The following LHFPL3 variants were observed in gnomAD, a reference collection of about 807,000 sequenced individuals.
LHFPL3 encodes the protein LHFPL tetraspan subfamily member 3 protein.
In LHFPL3, 5 loss-of-function variants were observed where a neutral mutation model predicts 19.3. The observed-to-expected ratio is 0.26, with a 90% confidence interval of 0.14 to 0.54. The LOEUF (loss-of-function observed/expected upper bound fraction) is 0.54. Ranked by LOEUF, LHFPL3 falls within the 20% of genes least tolerant of loss-of-function variation. The pLI is 0.94. For missense variants in LHFPL3, 249 were observed against 307.4 expected, an observed-to-expected ratio of 0.81 and a Z score of 1.42; for synonymous variants, 133 against 126.2, an observed-to-expected ratio of 1.05 and a Z score of -0.36.
At chr7:104,494,776 A>G (rs1793426093) in intron 1 of LHFPL3, among the ~76,000 whole-genome samples, 1 of 152,132 alleles carries the variant, frequency 6.6e-6, no homozygotes, top group Non-Finnish European at 1.5e-5. Context: ...ATAGGAAAAG[A>G]CTTGGCGACA....
intron 2 of LHFPL3, among the ~76,000 whole-genome samples, chr7:104,864,197 G>A (rs1174447155): frequency 6.6e-6 from 1 of 152,244 alleles, no homozygotes; most frequent in African/African-American, 2.4e-5. Flanking sequence ...CAACACAGAA[G>A]ATGGGTTATT....
At chr7:104,639,050 A>G (rs1023707753) in intron 1 of LHFPL3, among the ~76,000 whole-genome samples, 4 of 151,884 alleles carry the variant, frequency 2.6e-5, no homozygotes, top group Non-Finnish European at 4.4e-5. Context: ...CAGGCCCACC[A>G]TGCCTAGCCA....
intron 2 of LHFPL3, among the ~76,000 whole-genome samples, chr7:104,830,588 GA>G (rs1208306933): frequency 6.6e-6 from 1 of 151,856 alleles, no homozygotes; most frequent in African/African-American, 2.4e-5. Context: ...ATTAAATAGG[GA>G]ATCCTCTCCC....
At chr7:104,632,486 C>T (rs1487450436) in intron 1 of LHFPL3, among the ~76,000 whole-genome samples, 1 of 152,146 alleles carries the variant, frequency 6.6e-6, no homozygotes, top group East Asian at 1.9e-4. Flanking sequence ...TAATAGATAA[C>T]CATTATGAAA....
At chr7:104,568,869 C>T (rs188796533) in intron 1 of LHFPL3, among the ~76,000 whole-genome samples, 2 of 152,276 alleles carry the variant, frequency 1.3e-5, no homozygotes, top group East Asian at 3.9e-4. Context: ...ATTAAATTTC[C>T]CATGACTGGG....
chr7:104,461,269 A>G (rs149253739), intron 1 of LHFPL3, among the ~76,000 whole-genome samples: 15 of 152,312 alleles, frequency 9.8e-5, no homozygotes, highest in African/African-American at 3.1e-4. Context: ...CCATGATTCA[A>G]TTATCTCTAC....
chr7:104,730,708 T>C lies in LHFPL3; in HGVS notation c.446-5967T>C, dbSNP rs560866019. 8.5e-5 allele frequency among the ~76,000 whole-genome samples: 13 copies of C among 152,376 alleles called. No homozygotes were observed. In the South Asian group the frequency reaches 2.7e-3, roughly 32 times the overall value. On this transcript the variant is annotated intron_variant, in intron 1 of 2. Transcript: ENST00000424859. ...CATTCTGAAGGTTGCCTGTTCACTC[T>C]GATGGTAGTTTCTTTTGCTGTGCAG...
At position 104,736,590 on chromosome 7, in the gene LHFPL3, C is replaced by G; in HGVS notation, c.446-85C>G. On this transcript the variant is annotated intron_variant, in intron 1 of 2. Coordinates refer to ENST00000424859, the MANE Select transcript of LHFPL3 (RefSeq NM_199000.3). ...TCAAGAATAATTTGAAACAATGATT[C>G]GACAGACAGTGGAAACATTTGCTAA... 6 of 825,452 alleles carry G rather than the reference C, an allele frequency of 7.3e-6. 1 individual carries two copies. The South Asian group carries it at 9.9e-5, about 14-fold the overall frequency. The allele number at this position is 825,452 out of a possible 1,614,324, so 51.1% of individuals were successfully genotyped here. A position where few individuals can be genotyped will look rare whatever the true frequency, so the allele number is the denominator to read the frequency against.
At chr7:104,853,390 C>T (rs534099694) in intron 2 of LHFPL3, among the ~76,000 whole-genome samples, 2 of 152,294 alleles carry the variant, frequency 1.3e-5, no homozygotes, top group East Asian at 3.9e-4. Flanking sequence ...TTCACTTGAG[C>T]CTACTCTGTG....
At chr7:104,652,481 G>A (rs991490132) in intron 1 of LHFPL3, among the ~76,000 whole-genome samples, 9 of 152,182 alleles carry the variant, frequency 5.9e-5, no homozygotes, top group African/African-American at 2.2e-4. Flanking sequence ...TATAGAAGGT[G>A]TAATGATCAA....
At chr7:104,712,838 G>A (rs777032815) in intron 1 of LHFPL3, among the ~76,000 whole-genome samples, 7 of 152,130 alleles carry the variant, frequency 4.6e-5, no homozygotes, top group Non-Finnish European at 7.4e-5. Flanking sequence ...CATTACAGTT[G>A]ACAAAATGCT....
intron 1 of LHFPL3, among the ~76,000 whole-genome samples, chr7:104,425,010 T>TAAAAAAAAAAAAA (rs1791814979): frequency 1.8e-5 from 2 of 108,382 alleles, no homozygotes; most frequent in African/African-American, 4.5e-5. Context: ...AAAAAAGAAG[T>TAAAAAAAAAAAAA]ATCTGACTCA....
intron 1 of LHFPL3, among the ~76,000 whole-genome samples, chr7:104,531,445 A>G (rs1346038146): frequency 6.6e-6 from 1 of 152,180 alleles, no homozygotes; most frequent in African/African-American, 2.4e-5. Flanking sequence ...CAGGATCCTA[A>G]CTAACTTTCT....
chr7:104,438,997 G>C (rs747036294), intron 1 of LHFPL3, among the ~76,000 whole-genome samples: 1 of 152,106 alleles, frequency 6.6e-6, no homozygotes, highest in Non-Finnish European at 1.5e-5. Context: ...AGATGAAATT[G>C]ACAATTTTTT....
At chr7:104,880,278 CT>C (rs1792022061) in intron 2 of LHFPL3, among the ~76,000 whole-genome samples, 7 of 151,684 alleles carry the variant, frequency 4.6e-5, no homozygotes, top group Admixed American at 4.6e-4. Context: ...CACTTCCCCC[CT>C]CCCTCTCTCA....
At chr7:104,419,906 CG>C (rs1305536374) in intron 1 of LHFPL3, among the ~76,000 whole-genome samples, 1 of 152,208 alleles carries the variant, frequency 6.6e-6, no homozygotes, top group East Asian at 1.9e-4. Flanking sequence ...AGAAGTATCC[CG>C]GTTCTATCCT....
chr7:104,666,483 G>T (rs1792345744), intron 1 of LHFPL3, among the ~76,000 whole-genome samples: 1 of 137,690 alleles, frequency 7.3e-6, no homozygotes, highest in Admixed American at 7.3e-5. Flanking sequence ...CAGTTCCATT[G>T]ACGTTGCTGA....
At chr7:104,392,263 C>T (rs1451861937) in intron 1 of LHFPL3, among the ~76,000 whole-genome samples, 2 of 151,724 alleles carry the variant, frequency 1.3e-5, no homozygotes, top group African/African-American at 4.8e-5. Context: ...TGTCTTGTGC[C>T]AGTTTTCAAA....
chr7:104,646,834 ACTT>A lies in LHFPL3; in HGVS notation c.446-89837_446-89835del, dbSNP rs201110298. 7.1e-3 allele frequency among the ~76,000 whole-genome samples: 1,075 copies of A among 152,312 alleles called. 17 individuals are homozygous for A. Among genetic ancestry groups the A allele is most frequent in the African/African-American group, 0.021 (857 of 41,570 alleles). The stretch of plus-strand genomic sequence containing the variant: ...ATTTGATTTATTCAGTATTTAGCAA[ACTT>A]CTTTTGAATACCAGATTCTGGGTTT... On this transcript the variant is annotated intron_variant, in intron 1 of 2. Transcript: ENST00000424859.
Sources: gnomAD v4.1 joint callset for allele counts (sites outside exome capture counted in the v4.1 genomes callset) on GRCh38, gnomAD v4.1.1 for gene constraint, MANE v1.5 for transcripts, NCBI Gene and HGNC (gene_info 2026-07-23, HGNC 2026-07-21) for gene names.